Variants in YTHDC2 observed in about 807,000 individuals in gnomAD.
The protein encoded by YTHDC2 is YTH N6-methyladenosine RNA binding protein C2.
A neutral mutation model predicts 174.9 loss-of-function variants in YTHDC2; 45 were observed. The ratio of observed to expected loss-of-function variants is 0.26; its 90% CI spans 0.20 to 0.33. The LOEUF (loss-of-function observed/expected upper bound fraction) is 0.33. YTHDC2 is among the 10% of genes least tolerant of loss of function. The pLI is 1.00. For missense variants in YTHDC2, 1,650 were observed against 1,723.7 expected, an observed-to-expected ratio of 0.96 and a Z score of 0.76; for synonymous variants, 657 against 574.5, an observed-to-expected ratio of 1.14 and a Z score of -2.05.
intron 10 of YTHDC2, among the ~76,000 whole-genome samples, chr5:113,545,349 A>C (rs1775787028): frequency 1.5e-5 from 2 of 136,834 alleles, no homozygotes; most frequent in Non-Finnish European, 3.1e-5. Flanking sequence ...TTTAAAGCTC[A>C]TTATTCTTTT....
At chr5:113,548,852 TA>T in intron 11 of YTHDC2, 102 bp from the exon 12 acceptor site, 1 of 1,221,092 alleles carries the variant, frequency 8.2e-7, no homozygotes, top group Non-Finnish European at 1.1e-6. Context: ...ATTTTTTATT[TA>T]AAAATTTTTT....
intron 2 of YTHDC2, among the ~76,000 whole-genome samples, chr5:113,515,616 C>T (rs1357314111): frequency 1.3e-5 from 2 of 151,994 alleles, no homozygotes; most frequent in African/African-American, 4.8e-5. Flanking sequence ...AGCTTAGGTT[C>T]CTTGGCTGGG....
chr5:113,548,340 A>G (rs956814304), intron 10 of YTHDC2, among the ~76,000 whole-genome samples: 3 of 152,128 alleles, frequency 2.0e-5, no homozygotes, highest in South Asian at 2.1e-4. Flanking sequence ...TCTTTATTCA[A>G]TTTACACTAG....
At chr5:113,588,786 C>A (rs1421729940) in intron 26 of YTHDC2, among the ~76,000 whole-genome samples, 1 of 151,688 alleles carries the variant, frequency 6.6e-6, no homozygotes, top group Non-Finnish European at 1.5e-5. Context: ...CCATGCCTGG[C>A]TAAGTTTTTG....
In YTHDC2 at chr5:113,513,778, A is replaced by G; in HGVS notation, c.-118A>G. ...GAGGCCTTTCTGGTGACCTCAGCCCAACACAGGCCGTCTCCGGAGCTTCCC... is the reference window on the plus strand; with the variant it reads ...GAGGCCTTTCTGGTGACCTCAGCCCGACACAGGCCGTCTCCGGAGCTTCCC... On this transcript the variant is annotated 5_prime_UTR_variant, in exon 1 of 30. Transcript: ENST00000161863. 8.3e-7 allele frequency: 1 copy of G among 1,198,144 alleles called. No individual in the cohort carries two copies. Among genetic ancestry groups the G allele is most frequent in the Non-Finnish European group, 1.1e-6 (1 of 889,310 alleles). 74.2% of individuals were successfully genotyped at this position (1,198,144 alleles called of 1,614,324 possible).
chr5:113,552,013 A>G (rs1351614683), intron 12 of YTHDC2, among the ~76,000 whole-genome samples: 2 of 152,114 alleles, frequency 1.3e-5, no homozygotes. Context: ...TGCTTTTAGT[A>G]TAGAATTTTC....
At position 113,565,873 on chromosome 5, in the gene YTHDC2, C is replaced by T; in HGVS notation, c.2716-20C>T. 6.2e-7 allele frequency: 1 copy of T among 1,606,950 alleles called. No homozygotes were observed. Among genetic ancestry groups the T allele is most frequent in the Non-Finnish European group, 8.5e-7 (1 of 1,177,218 alleles). On this transcript the variant is annotated intron_variant, in intron 20 of 29. Transcript: ENST00000161863. ...CGATTAGTAAATGTGTCTTGTTATG[C>T]AATTATTCTCTTTTTATAGGCCTGG...
At chr5:113,515,179 T>C (rs1773320474) in intron 1 of YTHDC2, 93 bp from the exon 2 acceptor site, 1 of 799,890 alleles carries the variant, frequency 1.3e-6, no homozygotes, top group Admixed American at 2.3e-5. Context: ...TTTGATTGTC[T>C]ATGTATGTTT....
chr5:113,574,651 C>G (rs2914149), intron 23 of YTHDC2, among the ~76,000 whole-genome samples: 152,284 of 152,284 alleles, frequency 1, 76,142 homozygotes, highest in Non-Finnish European at 1. Context: ...GGCTGGCTGG[C>G]ATCCCAAGCC....
intron 17 of YTHDC2, among the ~76,000 whole-genome samples, chr5:113,559,068 A>G (rs982303233): frequency 3.9e-5 from 6 of 152,142 alleles, no homozygotes; most frequent in Non-Finnish European, 5.9e-5. Flanking sequence ...GGGTAGTGTA[A>G]GAAGAGCAGA....
intron 1 of YTHDC2, 150 bp from the exon 2 acceptor site, chr5:113,515,122 A>T (rs1177590188): frequency 2.3e-6 from 1 of 440,914 alleles, no homozygotes; most frequent in Admixed American, 3.9e-5. Flanking sequence ...TAATTTACAT[A>T]AATAGAATAT....
chr5:113,549,194 T>C (rs1173122808), intron 12 of YTHDC2, among the ~76,000 whole-genome samples, 174 bp downstream of exon 12: 1 of 152,310 alleles, frequency 6.6e-6, no homozygotes, highest in East Asian at 1.9e-4. Flanking sequence ...ATTTGTCTTA[T>C]TTTAAGAAAT....
chr5:113,562,822 T>C (rs1233569625), intron 18 of YTHDC2, among the ~76,000 whole-genome samples: 1 of 152,198 alleles, frequency 6.6e-6, no homozygotes, highest in Non-Finnish European at 1.5e-5. Context: ...TTAAATCATA[T>C]TTACTTATTT....
rs752509643 is a variant in YTHDC2, at chr5:113,515,312, C to T, written c.228C>T (p.Ala76=). 1.2e-6 allele frequency: 2 copies of T among 1,612,732 alleles called. No individual in the cohort carries two copies. Among genetic ancestry groups the T allele is most frequent in the Admixed American group, 1.7e-5 (1 of 59,946 alleles). The change falls in exon 2 of 30, where the codon GCC becomes GCT. Residue 76 remains alanine (A), a synonymous_variant. Transcript: ENST00000161863. ...CTTCTTTGACCAGTACTGAAAGAGCCTTTATTCATCGACTCAGTCAGTCTC... is the reference window on the plus strand; with the variant it reads ...CTTCTTTGACCAGTACTGAAAGAGCTTTTATTCATCGACTCAGTCAGTCTC... ...FPSSLTSTER[A]FIHRLSQSLG... is the part of the protein sequence containing the mutation.
Position 113,561,066 on chromosome 5 carries a change from A to T in YTHDC2, c.2217-14A>T. Reference sequence around the variant, plus strand: ...TTCGTTGTTTGAGTCCTAATCTTGTACTTTATTTTTAAGGGCAGGGCGATG... The same window carrying T: ...TTCGTTGTTTGAGTCCTAATCTTGTTCTTTATTTTTAAGGGCAGGGCGATG... On this transcript the variant is annotated splice_polypyrimidine_tract_variant and intron_variant, in intron 17 of 29. Coordinates refer to ENST00000161863, the MANE Select transcript of YTHDC2 (RefSeq NM_022828.5). 6.3e-7 allele frequency: 1 copy of T among 1,592,464 alleles called. No individual in the cohort carries two copies. Among genetic ancestry groups the T allele is most frequent in the Non-Finnish European group, 8.6e-7 (1 of 1,168,470 alleles).
rs1013134766 is a variant in YTHDC2 at position 113,563,608 on chromosome 5, G to A, written c.2442+116G>A. 2.3e-5 allele frequency: 26 copies of A among 1,153,782 alleles called. No individual in the cohort carries two copies. The African/African-American group carries it at 3.8e-4, about 17-fold the overall frequency. The allele number at this position is 1,153,782 out of a possible 1,614,324, so 71.5% of individuals were successfully genotyped here. A position where few individuals can be genotyped will look rare whatever the true frequency, so the allele number is the denominator to read the frequency against. ...ATTTTTTATTTTTGTCCTCCTGCATGTGTCCAGATAAACTAATTTTGTACT... is the reference window on the plus strand; with the variant it reads ...ATTTTTTATTTTTGTCCTCCTGCATATGTCCAGATAAACTAATTTTGTACT... On this transcript the variant is annotated intron_variant, in intron 19 of 29. Coordinates refer to ENST00000161863, the MANE Select transcript of YTHDC2 (RefSeq NM_022828.5).
At position 113,541,126 on chromosome 5, in the gene YTHDC2, C is replaced by T; in HGVS notation, c.1359+10C>T. 6.2e-7 allele frequency: 1 copy of T among 1,613,766 alleles called. No individual in the cohort carries two copies. The highest frequency in any genetic ancestry group is 8.5e-7 in the Non-Finnish European group (1 of 1,179,908). On this transcript the variant is annotated intron_variant, in intron 9 of 29. Transcript: ENST00000161863. ...TGTCTTCAGTCAGCTGGTATGACCT[C>T]CCTGGTTTCCCACTCATATTTTGTG...
intron 10 of YTHDC2, among the ~76,000 whole-genome samples, chr5:113,545,357 T>TTTTGTTTTG (rs1775790107): frequency 2.1e-5 from 3 of 146,020 alleles, no homozygotes; most frequent in Admixed American, 6.9e-5. Flanking sequence ...TCATTATTCT[T>TTTTGTTTTG]TTTTGTTTTG....
At chr5:113,589,465 G>A (rs1447842365) in intron 26 of YTHDC2, among the ~76,000 whole-genome samples, 1 of 145,378 alleles carries the variant, frequency 6.9e-6, no homozygotes, top group Non-Finnish European at 1.5e-5. Flanking sequence ...CGTGGTTTAT[G>A]TCTGTAATCC....
Sources: gnomAD v4.1 joint callset for allele counts (sites outside exome capture counted in the v4.1 genomes callset) on GRCh38, gnomAD v4.1.1 for gene constraint, MANE v1.5 for transcripts, NCBI Gene and HGNC (gene_info 2026-07-23, HGNC 2026-07-21) for gene names.